The following ADCY2 variants were observed in gnomAD, a reference collection of about 807,000 sequenced individuals.
ADCY2 encodes adenylate cyclase type 2.
ADCY2 carries 31 observed loss-of-function variants against 125.2 expected under a neutral mutation model. The ratio of observed to expected loss-of-function variants is 0.25; its 90% CI spans 0.19 to 0.33. The LOEUF is 0.33. Ranked by LOEUF, ADCY2 falls within the 10% of genes least tolerant of loss-of-function variation. The pLI is 1.00. For synonymous variants in ADCY2, 512 were observed against 548.4 expected (o/e 0.93, Z 0.93); for missense variants, 904 against 1,418.2 (o/e 0.64, Z 5.82).
chr5:7,802,032 A>C lies in ADCY2; in HGVS notation c.2629-186A>C. 1.7e-6 allele frequency: 1 copy of C among 600,986 alleles called. No individual in the cohort carries two copies. The highest frequency in any genetic ancestry group is 2.9e-6 in the Non-Finnish European group (1 of 350,240). 37.2% of individuals were successfully genotyped at this position (600,986 alleles called of 1,614,324 possible). On this transcript the variant is annotated intron_variant, in intron 20 of 24. Transcript: ENST00000338316. The surrounding 1 kb of genome is among the most constrained non-coding windows in gnomAD (Gnocchi z 4.6). ...ACTGGTAGTGGCCTGAATCCAGCTCATTAGAAGCTTTCCCCTGAGAGCAGC... is the reference window on the plus strand; with the variant it reads ...ACTGGTAGTGGCCTGAATCCAGCTCCTTAGAAGCTTTCCCCTGAGAGCAGC...
At chr5:7,417,358 T>C (rs1335905351) in intron 2 of ADCY2, among the ~76,000 whole-genome samples, 1 of 152,222 alleles carries the variant, frequency 6.6e-6, no homozygotes, top group Non-Finnish European at 1.5e-5. Context: ...TGGGCTCTTC[T>C]GGGTTCTGTT....
chr5:7,776,354 C>A (rs78553390), intron 18 of ADCY2, among the ~76,000 whole-genome samples: 1 of 152,122 alleles, frequency 6.6e-6, no homozygotes, highest in Non-Finnish European at 1.5e-5. Flanking sequence ...ATTGAAGTCA[C>A]GGCATTTTGT....
intron 3 of ADCY2, among the ~76,000 whole-genome samples, chr5:7,571,545 C>T (rs1343501654): frequency 1.3e-5 from 2 of 152,172 alleles, no homozygotes; most frequent in Admixed American, 6.6e-5. Context: ...TGCATGCACA[C>T]ACCCAGAATT....
intron 14 of ADCY2, among the ~76,000 whole-genome samples, chr5:7,731,600 AT>A (rs199885297): frequency 1.6e-3 from 222 of 141,548 alleles, no homozygotes; most frequent in Middle Eastern, 8.4e-3. Flanking sequence ...CACTTCTTTT[AT>A]TTTTTTTTTG....
chr5:7,777,474 C>A (rs902634162), intron 18 of ADCY2, among the ~76,000 whole-genome samples: 1 of 152,246 alleles, frequency 6.6e-6, no homozygotes, highest in African/African-American at 2.4e-5. Context: ...ATCTCTTCGC[C>A]TCACCTGCTT....
rs1740957782 is a variant in ADCY2 at position 7,698,253 on chromosome 5, G to A, written c.988G>A (p.Glu330Lys). ...GKFDQIAKEN[E>K]CMRIKILGDC... ...CTGTAATTTATTCTTCCAGGAGAAT[G>A]AATGCATGAGAATTAAAATTTTAGG... Residue 330 changes from glutamate to lysine, a missense_variant, in exon 7 of 25, where the codon GAA (glutamate) becomes AAA (lysine). By Grantham distance (56) the Glu-to-Lys change is moderately conservative (BLOSUM62 1). Coordinates refer to ENST00000338316, the MANE Select transcript of ADCY2 (RefSeq NM_020546.3). 6.2e-7 allele frequency: 1 copy of A among 1,613,788 alleles called. No individual in the cohort carries two copies. The highest frequency in any genetic ancestry group is 1.1e-5 in the South Asian group (1 of 91,086).
intron 15 of ADCY2, among the ~76,000 whole-genome samples, chr5:7,747,433 T>G (rs1401921177): frequency 6.6e-6 from 1 of 152,176 alleles, no homozygotes; most frequent in Non-Finnish European, 1.5e-5. Context: ...CGGCTCTGGT[T>G]AGCACTCCCT....
chr5:7,648,659 A>G lies in ADCY2; in HGVS notation c.720+22343A>G, dbSNP rs34593704. On this transcript the variant is annotated intron_variant, in intron 4 of 24. Coordinates refer to ENST00000338316, the MANE Select transcript of ADCY2 (RefSeq NM_020546.3). ...AGAATTGAAATATATAAATATGTAT[A>G]CAATATACCAGTCTCAGGTCATAAC... Among the ~76,000 whole-genome samples, 439 of 152,352 alleles carry G rather than the reference A, an allele frequency of 2.9e-3. 2 individuals carry two copies. The highest frequency in any genetic ancestry group is 0.01 in the African/African-American group (427 of 41,588).
intron 19 of ADCY2, among the ~76,000 whole-genome samples, chr5:7,788,791 T>A (rs560331050): frequency 3.0e-4 from 45 of 152,372 alleles, no homozygotes; most frequent in African/African-American, 9.6e-4. Context: ...TTAGCTCTTC[T>A]TTGCATTTAT....
At chr5:7,632,169 A>C (rs987982107) in intron 4 of ADCY2, among the ~76,000 whole-genome samples, 3 of 152,134 alleles carry the variant, frequency 2.0e-5, no homozygotes, top group Admixed American at 2.0e-4. Flanking sequence ...GGGCTGGGGG[A>C]TGCGCCCAAC....
At chr5:7,743,633 T>C (rs1159140327) in intron 14 of ADCY2, 35 bp from the exon 15 acceptor site, 2 of 1,595,262 alleles carry the variant, frequency 1.3e-6, no homozygotes, top group South Asian at 2.2e-5. Flanking sequence ...AGAAACGATC[T>C]CCACCCTGAC....
chr5:7,734,704 C>T (rs1299336590), intron 14 of ADCY2, among the ~76,000 whole-genome samples: 1 of 152,160 alleles, frequency 6.6e-6, no homozygotes. Context: ...AAATTAAGAG[C>T]GTTTGACCAA....
Position 7,418,647 on chromosome 5 carries a change from G to GTTTTT in ADCY2, c.408+3899_408+3903dup, listed in dbSNP as rs869287430. Among the ~76,000 whole-genome samples the GTTTTT allele has an allele frequency of 5.7e-3, 419 of 73,762 alleles. 74 individuals carry two copies. The highest frequency in any genetic ancestry group is 0.016 in the African/African-American group (261 of 16,066). The allele number at this position is 73,762 out of a possible 152,430, so 48.4% of individuals were successfully genotyped here. On this transcript the variant is annotated intron_variant, in intron 2 of 24. Coordinates refer to ENST00000338316, the MANE Select transcript of ADCY2 (RefSeq NM_020546.3). ...AATTAAAAACAAAAGTCTACCTTCT[G>GTTTTT]TTTTTTTTTTTTTTTTTTTTTTTTT...
intron 2 of ADCY2, among the ~76,000 whole-genome samples, chr5:7,506,378 T>C (rs1287558815): frequency 1.3e-5 from 2 of 152,214 alleles, no homozygotes; most frequent in Non-Finnish European, 2.9e-5. Context: ...ACAACACTTA[T>C]GTTATTATAT....
chr5:7,459,136 G>A (rs1741817600), intron 2 of ADCY2, among the ~76,000 whole-genome samples: 2 of 152,152 alleles, frequency 1.3e-5, no homozygotes, highest in African/African-American at 2.4e-5. Context: ...CCCATGGACC[G>A]GGAGTTCCTT....
At chr5:7,564,157 T>C (rs1329893765) in intron 3 of ADCY2, among the ~76,000 whole-genome samples, 1 of 152,222 alleles carries the variant, frequency 6.6e-6, no homozygotes, top group African/African-American at 2.4e-5. Flanking sequence ...TTTAGTTACT[T>C]AGATAACACC....
At chr5:7,819,546 C>T (rs1378881316) in intron 23 of ADCY2, among the ~76,000 whole-genome samples, 1 of 152,156 alleles carries the variant, frequency 6.6e-6, no homozygotes, top group Non-Finnish European at 1.5e-5. Flanking sequence ...CCCTGATTGT[C>T]CAATAACTGA....
At chr5:7,661,344 AAG>A (rs1329440760) in intron 4 of ADCY2, among the ~76,000 whole-genome samples, 1 of 152,192 alleles carries the variant, frequency 6.6e-6, no homozygotes, top group Non-Finnish European at 1.5e-5. Flanking sequence ...TATTTTTGGT[AAG>A]AGTCTTATGA....
At chr5:7,410,358 TGAAAA>T (rs1474376218) in intron 1 of ADCY2, among the ~76,000 whole-genome samples, 1 of 151,836 alleles carries the variant, frequency 6.6e-6, no homozygotes, top group African/African-American at 2.4e-5. Context: ...AAAAGTACAT[TGAAAA>T]GAAAGAAAAT....
Sources: allele counts gnomAD v4.1 joint callset (sites outside exome capture counted in the v4.1 genomes callset), GRCh38; gene constraint gnomAD v4.1.1; non-coding constraint Gnocchi (gnomAD v3.1); transcripts MANE v1.5; gene names NCBI Gene and HGNC (gene_info 2026-07-23, HGNC 2026-07-21).